Variants in THRAP3 observed in about 807,000 individuals in gnomAD.
The protein encoded by THRAP3 is thyroid hormone receptor-associated protein 3.
Under a neutral mutation model 101.0 loss-of-function variants are expected in THRAP3, and 16 were observed. The ratio of observed to expected loss-of-function variants is 0.16; its 90% CI spans 0.11 to 0.24. The LOEUF is 0.24. Among genes scored for constraint, THRAP3 ranks in the 10% least tolerant of loss-of-function variants. The pLI is 1.00. For missense variants in THRAP3, 989 were observed against 1,202.7 expected, an observed-to-expected ratio of 0.82 and a Z score of 2.63; for synonymous variants, 407 against 422.6, an observed-to-expected ratio of 0.96 and a Z score of 0.45.
At chr1:36,260,026 G>T (rs11578811) in intron 2 of THRAP3, among the ~76,000 whole-genome samples, 23,526 of 151,894 alleles carry the variant, frequency 0.15, 2,304 homozygotes, top group Non-Finnish European at 0.22. Flanking sequence ...GTGATCACTT[G>T]AGGTCAAGAG....
the THRAP3 span, among the ~76,000 whole-genome samples, chr1:36,208,966 CTTTTTTTTTTT>C: frequency 4.8e-4 from 25 of 51,930 alleles, 1 homozygote; most frequent in East Asian, 4.0e-3. Context: ...CATGTCCAGC[CTTTTTTTTTTT>C]TTTTTTTTTT....
the THRAP3 span, among the ~76,000 whole-genome samples, chr1:36,213,260 A>G: frequency 7.9e-5 from 12 of 152,210 alleles, 2 homozygotes; most frequent in African/African-American, 2.9e-4. Context: ...TACTTGAGGA[A>G]CAACCCTCTG....
At chr1:36,274,625 C>CTTTTTTTTTTT (rs573419051) in intron 2 of THRAP3, among the ~76,000 whole-genome samples, 1 of 59,286 alleles carries the variant, frequency 1.7e-5, no homozygotes, top group African/African-American at 6.4e-5. Context: ...ATTAATTGGG[C>CTTTTTTTTTTT]TTTTTTTTTT....
At chr1:36,244,644 G>A (rs1346460788) in intron 1 of THRAP3, among the ~76,000 whole-genome samples, 1 of 151,690 alleles carries the variant, frequency 6.6e-6, no homozygotes, top group African/African-American at 2.4e-5. Context: ...ACTCCTGTGA[G>A]TTCTATTTCC....
At chr1:36,217,970 T>A in the THRAP3 span, among the ~76,000 whole-genome samples, 1 of 152,082 alleles carries the variant, frequency 6.6e-6, no homozygotes, top group Non-Finnish European at 1.5e-5. Flanking sequence ...AAGCTAGAAA[T>A]GATTAAGCTT....
At chr1:36,265,459 C>CTTT (rs60539096) in intron 2 of THRAP3, among the ~76,000 whole-genome samples, 7 of 104,840 alleles carry the variant, frequency 6.7e-5, no homozygotes, top group African/African-American at 1.0e-4. Flanking sequence ...AGACAGGAAA[C>CTTT]TTTTTTTTTT....
chr1:36,275,636 G>A (rs550327677), intron 2 of THRAP3, among the ~76,000 whole-genome samples: 1 of 149,098 alleles, frequency 6.7e-6, no homozygotes, highest in East Asian at 2.0e-4. Context: ...TTGAGATGGA[G>A]TTTCACTCTT....
the THRAP3 span, among the ~76,000 whole-genome samples, chr1:36,214,425 T>C: frequency 9.3e-4 from 142 of 152,288 alleles, no homozygotes; most frequent in Non-Finnish European, 1.5e-3. Flanking sequence ...CTTTTCTTCA[T>C]CCCCACTGAG....
chr1:36,268,721 TA>T (rs1424724833), intron 2 of THRAP3, among the ~76,000 whole-genome samples: 1 of 150,464 alleles, frequency 6.6e-6, no homozygotes, highest in Non-Finnish European at 1.5e-5. Context: ...CAATATGAGT[TA>T]ATTTTTTTTT....
chr1:36,227,441 C>G (rs1644974533), intron 1 of THRAP3, among the ~76,000 whole-genome samples: 1 of 151,994 alleles, frequency 6.6e-6, no homozygotes, highest in African/African-American at 2.4e-5. Flanking sequence ...TGCCACCACG[C>G]CTGGCTAATT....
chr1:36,225,815 G>A (rs1644956078), intron 1 of THRAP3, among the ~76,000 whole-genome samples: 1 of 152,192 alleles, frequency 6.6e-6, no homozygotes, highest in South Asian at 2.1e-4. Flanking sequence ...TATTTTGTGA[G>A]CCAATGTTCA....
intron 1 of THRAP3, among the ~76,000 whole-genome samples, chr1:36,246,296 G>C (rs578072288): frequency 6.6e-6 from 1 of 152,144 alleles, no homozygotes; most frequent in East Asian, 1.9e-4. Context: ...AAAGTGGAGC[G>C]ATCTTGGCTC....
chr1:36,260,868 C>T (rs1199315097), intron 2 of THRAP3, among the ~76,000 whole-genome samples: 1 of 149,504 alleles, frequency 6.7e-6, no homozygotes, highest in Non-Finnish European at 1.5e-5. Context: ...TAATTTTAGT[C>T]ATGGCAGTAT....
chr1:36,260,128 G>C (rs1263051296), intron 2 of THRAP3, among the ~76,000 whole-genome samples: 1 of 152,040 alleles, frequency 6.6e-6, no homozygotes, highest in Non-Finnish European at 1.5e-5. Flanking sequence ...TGTAATCCCA[G>C]CTACTTGGGA....
chr1:36,265,886 G>A (rs1645507475), intron 2 of THRAP3, among the ~76,000 whole-genome samples: 1 of 152,054 alleles, frequency 6.6e-6, no homozygotes, highest in Non-Finnish European at 1.5e-5. Flanking sequence ...AGATGTGGTG[G>A]CTCACACCTG....
chr1:36,237,821 T>TGTG (rs1003460497), intron 1 of THRAP3, among the ~76,000 whole-genome samples: 2 of 151,654 alleles, frequency 1.3e-5, no homozygotes, highest in South Asian at 2.1e-4. Context: ...TAGGTTTTTT[T>TGTG]TGTGTGTGTG....
intron 1 of THRAP3, among the ~76,000 whole-genome samples, chr1:36,245,102 C>T (rs1011301441): frequency 2.0e-5 from 3 of 151,930 alleles, no homozygotes; most frequent in Admixed American, 1.3e-4. Flanking sequence ...CATTGTACCA[C>T]TCTGGTGGTG....
At chr1:36,263,473 A>G (rs932719252) in intron 2 of THRAP3, among the ~76,000 whole-genome samples, 1 of 152,178 alleles carries the variant, frequency 6.6e-6, no homozygotes, top group East Asian at 1.9e-4. Flanking sequence ...ATTTATCATA[A>G]TGAGAGCTGG....
chr1:36,219,798 G>C (rs1376762544), upstream of THRAP3, among the ~76,000 whole-genome samples: 3 of 152,146 alleles, frequency 2.0e-5, no homozygotes, highest in Non-Finnish European at 4.4e-5. Flanking sequence ...GACTTTCATA[G>C]CTAGAGAGCA....
Sources: allele counts gnomAD v4.1 joint callset (sites outside exome capture counted in the v4.1 genomes callset), GRCh38; gene constraint gnomAD v4.1.1; transcripts MANE v1.5; gene names NCBI Gene and HGNC (gene_info 2026-07-23, HGNC 2026-07-21).